GAREM1: variants seen among roughly 807,000 people sequenced by gnomAD.
GAREM1 encodes GRB2-associated and regulator of MAPK protein 1.
GAREM1 carries 26 observed loss-of-function variants against 71.3 expected under a neutral mutation model. The observed-to-expected ratio is 0.36, with a 90% CI of 0.27 to 0.51. GAREM1 has a LOEUF of 0.51. GAREM1 is among the 20% of genes least tolerant of loss of function. GAREM1 has a pLI of 0.95. For missense variants in GAREM1, 1,026 were observed against 1,103.1 expected, an observed-to-expected ratio of 0.93 and a Z score of 0.99; for synonymous variants, 440 against 433.2, an observed-to-expected ratio of 1.02 and a Z score of -0.20.
At chr18:32,422,131 C>T (rs935589687) in intron 1 of GAREM1, among the ~76,000 whole-genome samples, 3 of 151,836 alleles carry the variant, frequency 2.0e-5, no homozygotes, top group Non-Finnish European at 2.9e-5. Flanking sequence ...TAATGCTATC[C>T]CTCCCCCCTT....
intron 2 of GAREM1, among the ~76,000 whole-genome samples, chr18:32,312,741 C>T (rs2047336728): frequency 6.6e-6 from 1 of 152,108 alleles, no homozygotes; most frequent in Admixed American, 6.5e-5. Context: ...CAGAGGGGAA[C>T]AAGGTGATGA....
chr18:32,374,860 A>G (rs2048017441), intron 2 of GAREM1, among the ~76,000 whole-genome samples: 1 of 152,242 alleles, frequency 6.6e-6, no homozygotes, highest in Admixed American at 6.5e-5. Context: ...AGTAGCAGAT[A>G]TATGTATAAG....
chr18:32,314,968 A>G (rs2047362070), intron 2 of GAREM1, among the ~76,000 whole-genome samples: 1 of 152,068 alleles, frequency 6.6e-6, no homozygotes, highest in Non-Finnish European at 1.5e-5. Context: ...TTTCATGAAA[A>G]CCTGCAAATG....
At chr18:32,447,045 C>T (rs1014397194) in intron 1 of GAREM1, among the ~76,000 whole-genome samples, 1 of 152,216 alleles carries the variant, frequency 6.6e-6, no homozygotes, top group African/African-American at 2.4e-5. Flanking sequence ...ATAGAGAGCA[C>T]TAATTACATG....
At chr18:32,304,764 GTCAATGCCTGGGGCAGGGT>G (rs2047235624) in intron 3 of GAREM1, among the ~76,000 whole-genome samples, 1 of 152,218 alleles carries the variant, frequency 6.6e-6, no homozygotes, top group Admixed American at 6.5e-5. Context: ...CATGGTCAGA[GTCAATGCCTGGGGCAGGGT>G]TCTGAACTCA....
At chr18:32,402,164 T>C (rs1204639971) in intron 1 of GAREM1, among the ~76,000 whole-genome samples, 1 of 152,174 alleles carries the variant, frequency 6.6e-6, no homozygotes, top group Non-Finnish European at 1.5e-5. Context: ...CTACATATAA[T>C]GTACTAAAAT....
Position 32,463,864 on chromosome 18 carries a change from C to T in GAREM1, c.121+6444G>A, listed in dbSNP as rs191052182. The stretch of plus-strand genomic sequence containing the variant: ...GATTACAGGCGTGAGCCACTGCGCC[C>T]GGCCTAAATCACTCACTTTGTGTAT... On this transcript the variant is annotated intron_variant, in intron 1 of 5. Transcript: ENST00000269209. Among the ~76,000 whole-genome samples the T allele has an allele frequency of 4.9e-4, 74 of 151,864 alleles. 2 individuals are homozygous for T. The highest frequency in any genetic ancestry group is 2.6e-3 in the Admixed American group (39 of 15,256).
rs377525937 is a variant in GAREM1 at position 32,420,739 on chromosome 18, C to T, written c.122-27704G>A. Among the ~76,000 whole-genome samples, 8 of 149,222 alleles carry T rather than the reference C, an allele frequency of 5.4e-5. No homozygotes were observed. The East Asian group carries it at 8.0e-4, about 15-fold the overall frequency. ...CAGCCTGGGCAACACAGTGAGACCC[C>T]CTTCTCTTCAAAAATGAAAAAAAAA... On this transcript the variant is annotated intron_variant, in intron 1 of 5. Transcript: ENST00000269209.
intron 1 of GAREM1, among the ~76,000 whole-genome samples, chr18:32,453,189 C>A (rs2144296505): frequency 6.6e-6 from 1 of 152,202 alleles, no homozygotes; most frequent in Admixed American, 6.5e-5. Context: ...TCTTAAAAAA[C>A]CATCAGATCT....
intron 2 of GAREM1, among the ~76,000 whole-genome samples, chr18:32,317,233 C>T (rs1279539820): frequency 3.9e-5 from 6 of 151,990 alleles, no homozygotes; most frequent in Non-Finnish European, 7.4e-5. Flanking sequence ...GGTGAAACCT[C>T]GTTTCTACTA....
In GAREM1 at chr18:32,270,315, G is replaced by A. The variant is rs1598917415; in HGVS notation, c.1635C>T (p.Thr545=). The A allele has an allele frequency of 6.2e-7, 1 of 1,614,038 alleles. No homozygotes were observed. The highest frequency in any genetic ancestry group is 2.2e-5 in the East Asian group (1 of 44,864). The change falls in exon 5 of 6, where the codon ACC becomes ACT. Residue 545 remains threonine (T), a synonymous_variant. Coordinates refer to ENST00000269209, the MANE Select transcript of GAREM1 (RefSeq NM_001242409.2). ...CTGTGCGAGGAGGGATGGAGGGACT[G>A]GTGGACAAAGGCTTTGCGCTTCGGG... ...VPPRSAKPLS[T]SPSIPPRTVK...
At chr18:32,380,981 T>A (rs2048091379) in intron 2 of GAREM1, among the ~76,000 whole-genome samples, 1 of 151,912 alleles carries the variant, frequency 6.6e-6, no homozygotes, top group Non-Finnish European at 1.5e-5. Flanking sequence ...ATTTCATTCA[T>A]CAGACTTTTC....
intron 2 of GAREM1, among the ~76,000 whole-genome samples, chr18:32,341,659 T>C (rs2047649027): frequency 1.3e-5 from 2 of 152,184 alleles, no homozygotes; most frequent in South Asian, 4.1e-4. Flanking sequence ...GTTTCTTTCT[T>C]TAATATGGCA....
At position 32,463,777 on chromosome 18, in the gene GAREM1, G is replaced by C. The variant is rs572233789; in HGVS notation, c.121+6531C>G. Among the ~76,000 whole-genome samples the C allele has an allele frequency of 2.2e-4, 34 of 151,696 alleles. No individual in the cohort carries two copies. The South Asian group carries it at 5.4e-3, about 24-fold the overall frequency. ...GTAGAGACAGGGTTTCACCGTGTTA[G>C]CCTGGATGATCTTGATCTCCTGACC... On this transcript the variant is annotated intron_variant, in intron 1 of 5. Coordinates refer to ENST00000269209, the MANE Select transcript of GAREM1 (RefSeq NM_001242409.2).
chr18:32,440,564 C>G (rs140840506), intron 1 of GAREM1, among the ~76,000 whole-genome samples: 1 of 152,126 alleles, frequency 6.6e-6, no homozygotes, highest in Non-Finnish European at 1.5e-5. Flanking sequence ...TTTAAGAGTA[C>G]AATACTAAGT....
intron 4 of GAREM1, among the ~76,000 whole-genome samples, chr18:32,283,268 G>A (rs2046973057): frequency 6.6e-6 from 1 of 152,194 alleles, no homozygotes; most frequent in African/African-American, 2.4e-5. Flanking sequence ...AACATGGCTG[G>A]GCGCAGAGGC....
chr18:32,327,581 G>T (rs1232793817), intron 2 of GAREM1, among the ~76,000 whole-genome samples: 1 of 152,054 alleles, frequency 6.6e-6, no homozygotes, highest in African/African-American at 2.4e-5. Context: ...AGAATGACTA[G>T]AAAGTGAAGG....
chr18:32,460,979 A>T (rs2048949949), intron 1 of GAREM1, among the ~76,000 whole-genome samples: 1 of 152,192 alleles, frequency 6.6e-6, no homozygotes, highest in African/African-American at 2.4e-5. Flanking sequence ...GAAATACTTT[A>T]TTTAGAATAT....
At chr18:32,425,506 T>C (rs1196961864) in intron 1 of GAREM1, among the ~76,000 whole-genome samples, 2 of 152,172 alleles carry the variant, frequency 1.3e-5, no homozygotes, top group Non-Finnish European at 2.9e-5. Context: ...TGTACTACCT[T>C]ATAACTTAGA....
Sources: gnomAD v4.1 joint callset for allele counts (sites outside exome capture counted in the v4.1 genomes callset) on GRCh38, gnomAD v4.1.1 for gene constraint, MANE v1.5 for transcripts, NCBI Gene and HGNC (gene_info 2026-07-23, HGNC 2026-07-21) for gene names.